The following RSU1 variants were observed in gnomAD, a reference collection of about 807,000 sequenced individuals.
RSU1 encodes rsu-1.
Under a neutral mutation model 31.1 loss-of-function variants are expected in RSU1, and 26 were observed. The ratio of observed to expected loss-of-function variants is 0.84; its 90% CI spans 0.61 to 1.16. The LOEUF (loss-of-function observed/expected upper bound fraction) is 1.16. RSU1 is among the 50% of genes most tolerant of loss of function. RSU1 has a pLI of 0.00. For synonymous variants in RSU1, 164 were observed against 136.3 expected, an observed-to-expected ratio of 1.20 and a Z score of -1.41; for missense variants, 320 against 339.1, an observed-to-expected ratio of 0.94 and a Z score of 0.44.
chr10:16,720,447 T>A (rs988394219), intron 7 of RSU1, among the ~76,000 whole-genome samples: 2 of 152,210 alleles, frequency 1.3e-5, no homozygotes, highest in Non-Finnish European at 2.9e-5. Context: ...ATTACTTAGA[T>A]AATCTCTGAA....
intron 8 of RSU1, among the ~76,000 whole-genome samples, chr10:16,615,770 G>A (rs1833965128): frequency 6.6e-6 from 1 of 152,222 alleles, no homozygotes; most frequent in Admixed American, 6.5e-5. Context: ...GCTCCAGAAA[G>A]ACTCCTGGGT....
chr10:16,722,016 T>C (rs1836273795), intron 7 of RSU1, among the ~76,000 whole-genome samples: 1 of 152,232 alleles, frequency 6.6e-6, no homozygotes, highest in Admixed American at 6.5e-5. Flanking sequence ...TTCTCTCTTA[T>C]CCGTGGTTTC....
chr10:16,695,162 G>GGGGAC lies in RSU1; in HGVS notation c.599-8_599-7insGTCCC. 6.8e-7 allele frequency: 1 copy of GGGGAC among 1,479,656 alleles called. No homozygotes were observed. Among genetic ancestry groups the GGGGAC allele is most frequent in the Non-Finnish European group, 9.1e-7 (1 of 1,099,838 alleles). 91.7% of individuals were successfully genotyped at this position (1,479,656 alleles called of 1,614,324 possible). The stretch of plus-strand genomic sequence containing the variant: ...CCAGTTAAATCCAAGTTTCCTGGGG[G>GGGGAC]GGGGGAAAAAAAAAGTGAAGGTCAC... On this transcript the variant is annotated splice_polypyrimidine_tract_variant and splice_region_variant and intron_variant, in intron 7 of 8. Coordinates refer to ENST00000345264, the MANE Select transcript of RSU1 (RefSeq NM_012425.4).
intron 7 of RSU1, chr10:16,727,099 T>G: frequency 2.2e-6 from 1 of 456,680 alleles, no homozygotes; most frequent in South Asian, 1.5e-5. Flanking sequence ...AGGCTGCCAG[T>G]TGGTGGTTTT....
chr10:16,804,897 T>C (rs1838234551), intron 2 of RSU1, among the ~76,000 whole-genome samples: 1 of 152,144 alleles, frequency 6.6e-6, no homozygotes, highest in South Asian at 2.1e-4. Flanking sequence ...TGTGATACTG[T>C]AACGGTGAAT....
At chr10:16,787,523 C>T (rs952332930) in intron 2 of RSU1, among the ~76,000 whole-genome samples, 1 of 152,194 alleles carries the variant, frequency 6.6e-6, no homozygotes, top group African/African-American at 2.4e-5. Flanking sequence ...TAGGCTGCGT[C>T]CTCGCCCAAA....
chr10:16,746,154 G>A (rs1292602481), intron 7 of RSU1, among the ~76,000 whole-genome samples: 1 of 152,102 alleles, frequency 6.6e-6, no homozygotes, highest in Non-Finnish European at 1.5e-5. Flanking sequence ...CTCTCTGAAG[G>A]GGATTAGTAT....
At chr10:16,638,916 C>A (rs1377226679) in intron 8 of RSU1, among the ~76,000 whole-genome samples, 1 of 152,210 alleles carries the variant, frequency 6.6e-6, no homozygotes. Context: ...GATTCATCTT[C>A]CTCCTGTGTT....
At chr10:16,716,797 T>A (rs1055880083) in intron 7 of RSU1, among the ~76,000 whole-genome samples, 6 of 152,198 alleles carry the variant, frequency 3.9e-5, no homozygotes, top group Non-Finnish European at 8.8e-5. Context: ...TTCTAAAATA[T>A]GTAATAGGAG....
chr10:16,668,014 A>T (rs966109037), intron 8 of RSU1, among the ~76,000 whole-genome samples: 11 of 152,228 alleles, frequency 7.2e-5, no homozygotes, highest in Non-Finnish European at 1.3e-4. Flanking sequence ...GTATTCTGAT[A>T]ATAGAATAAC....
intron 8 of RSU1, among the ~76,000 whole-genome samples, chr10:16,677,264 T>C (rs1835251669): frequency 6.6e-6 from 1 of 152,140 alleles, no homozygotes; most frequent in Non-Finnish European, 1.5e-5. Flanking sequence ...TGACTGTCCG[T>C]TTTCTCGTCT....
intron 8 of RSU1, among the ~76,000 whole-genome samples, chr10:16,612,112 G>A (rs931461238): frequency 2.6e-5 from 4 of 152,170 alleles, no homozygotes; most frequent in Non-Finnish European, 2.9e-5. Flanking sequence ...CCAAGGCAAT[G>A]CCACACTACG....
intron 8 of RSU1, among the ~76,000 whole-genome samples, chr10:16,684,438 G>A (rs894236350): frequency 1.3e-5 from 2 of 152,258 alleles, no homozygotes; most frequent in South Asian, 2.1e-4. Flanking sequence ...TGGAGACAGC[G>A]TTTTTAAAGA....
At chr10:16,661,215 G>T (rs539091775) in intron 8 of RSU1, among the ~76,000 whole-genome samples, 1 of 151,284 alleles carries the variant, frequency 6.6e-6, no homozygotes, top group East Asian at 1.9e-4. Flanking sequence ...TGCAAATTTT[G>T]GCTTATGTTA....
chr10:16,710,467 G>C (rs751076739), intron 7 of RSU1, among the ~76,000 whole-genome samples: 1 of 152,014 alleles, frequency 6.6e-6, no homozygotes, highest in African/African-American at 2.4e-5. Context: ...CTGTAGTTTT[G>C]CTGTTGTTGT....
chr10:16,645,782 G>A (rs1834527123), intron 8 of RSU1, among the ~76,000 whole-genome samples: 1 of 149,468 alleles, frequency 6.7e-6, no homozygotes, highest in Non-Finnish European at 1.5e-5. Context: ...ACTCCAGCCT[G>A]GACGACAGAG....
intron 2 of RSU1, among the ~76,000 whole-genome samples, chr10:16,814,573 G>T (rs749173117): frequency 2.0e-5 from 3 of 152,034 alleles, no homozygotes; most frequent in Non-Finnish European, 4.4e-5. Flanking sequence ...TGAGAAGTGA[G>T]CCCTGGTGGA....
At chr10:16,780,531 C>G (rs1006866094) in intron 3 of RSU1, among the ~76,000 whole-genome samples, 3 of 152,218 alleles carry the variant, frequency 2.0e-5, no homozygotes, top group African/African-American at 7.2e-5. Context: ...GCATCGGTCA[C>G]TGATCCTGGC....
At chr10:16,674,815 T>G (rs909974335) in intron 8 of RSU1, among the ~76,000 whole-genome samples, 1 of 152,064 alleles carries the variant, frequency 6.6e-6, no homozygotes, top group East Asian at 1.9e-4. Context: ...GCAGATCACT[T>G]GAGACTCAGG....
Sources: gnomAD v4.1 joint callset for allele counts (sites outside exome capture counted in the v4.1 genomes callset) on GRCh38, gnomAD v4.1.1 for gene constraint, MANE v1.5 for transcripts, NCBI Gene and HGNC (gene_info 2026-07-23, HGNC 2026-07-21) for gene names.